The following POLR3B variants were observed in gnomAD, a reference collection of about 807,000 sequenced individuals.
POLR3B encodes the protein DNA-directed RNA polymerase III subunit RPC2.
A neutral mutation model predicts 147.4 loss-of-function variants in POLR3B; 96 were observed. The observed-to-expected ratio is 0.65, with a 90% CI of 0.55 to 0.77. POLR3B has a LOEUF of 0.77. POLR3B is among the 30% of genes least tolerant of loss of function. POLR3B has a pLI of 0.00. For missense variants in POLR3B, 1,036 were observed against 1,413.5 expected (o/e 0.73, Z 4.28); for synonymous variants, 461 against 485.9 (o/e 0.95, Z 0.67).
intron 10 of POLR3B, among the ~76,000 whole-genome samples, chr12:106,403,930 G>T (rs1199876597): frequency 1.3e-5 from 2 of 151,774 alleles, no homozygotes; most frequent in Non-Finnish European, 2.9e-5. Flanking sequence ...CCTGCACATT[G>T]TGCACATGTA....
intron 10 of POLR3B, among the ~76,000 whole-genome samples, chr12:106,403,199 AC>A: frequency 6.6e-6 from 1 of 152,058 alleles, no homozygotes; most frequent in Non-Finnish European, 1.5e-5. Context: ...GCCAAAAGAC[AC>A]ATGAAAAAAT....
At chr12:106,417,289 T>C (rs953703404) in intron 12 of POLR3B, among the ~76,000 whole-genome samples, 2 of 152,162 alleles carry the variant, frequency 1.3e-5, no homozygotes, top group Non-Finnish European at 2.9e-5. Context: ...ATTTAGGGAC[T>C]GGAGGAACTG....
At chr12:106,502,772 G>A (rs971172373) in intron 26 of POLR3B, among the ~76,000 whole-genome samples, 1 of 152,190 alleles carries the variant, frequency 6.6e-6, no homozygotes, top group Non-Finnish European at 1.5e-5. Context: ...AATCACCTCA[G>A]CAATGGTACC....
chr12:106,476,774 T>G (rs1453989255), intron 23 of POLR3B, among the ~76,000 whole-genome samples: 1 of 152,032 alleles, frequency 6.6e-6, no homozygotes, highest in East Asian at 1.9e-4. Flanking sequence ...TCTTCTAAAT[T>G]TTTTTCAAAG....
chr12:106,425,671 A>C (rs933325058), intron 12 of POLR3B, among the ~76,000 whole-genome samples: 3 of 152,170 alleles, frequency 2.0e-5, no homozygotes, highest in African/African-American at 7.2e-5. Context: ...CTCCACAGAA[A>C]GGAACTTGTG....
Position 106,509,515 on chromosome 12 carries a change from TC to T in POLR3B, c.3372del (p.Arg1125GlyfsTer2). The T allele has an allele frequency of 6.2e-7, 1 of 1,613,004 alleles. No individual in the cohort carries two copies. Among genetic ancestry groups the T allele is most frequent in the Non-Finnish European group, 8.5e-7 (1 of 1,179,110 alleles). On this transcript the variant is annotated frameshift_variant, in exon 28 of 28. Coordinates refer to ENST00000228347, the MANE Select transcript of POLR3B (RefSeq NM_018082.6). LOFTEE classifies it high-confidence loss of function. ...CAGGAACTACAGTCTATGAACATCA[TC>T]CCCAGGTTAAAACTGTCCAAGTACA... ...LFQELQSMNIIPRLKLSKYNE is the reference protein window; with the variant it reads ...LFQELQSMNIXPRLKLSKYNE
At chr12:106,414,870 A>G (rs1486287395) in intron 12 of POLR3B, among the ~76,000 whole-genome samples, 1 of 152,204 alleles carries the variant, frequency 6.6e-6, no homozygotes, top group Non-Finnish European at 1.5e-5. Flanking sequence ...GTAATGAATC[A>G]ATTAATTACA....
chr12:106,389,697 G>A (rs1848398738), intron 9 of POLR3B, among the ~76,000 whole-genome samples: 1 of 151,974 alleles, frequency 6.6e-6, no homozygotes, highest in Non-Finnish European at 1.5e-5. Context: ...GCTCTAATGA[G>A]TATTTCCTCT....
chr12:106,444,710 T>TG, intron 19 of POLR3B, 120 bp downstream of exon 19: 1 of 1,048,986 alleles, frequency 9.5e-7, no homozygotes, highest in South Asian at 1.4e-5. Context: ...TGGGAACACC[T>TG]GAGGGTTACC....
At chr12:106,367,539 T>A (rs2036551488) in intron 4 of POLR3B, among the ~76,000 whole-genome samples, 1 of 152,236 alleles carries the variant, frequency 6.6e-6, no homozygotes, top group African/African-American at 2.4e-5. Context: ...ACATTGACAC[T>A]TTTGAACAAT....
At chr12:106,386,098 C>T (rs1170616494) in intron 9 of POLR3B, among the ~76,000 whole-genome samples, 2 of 152,302 alleles carry the variant, frequency 1.3e-5, no homozygotes, top group African/African-American at 2.4e-5. Flanking sequence ...ATAATCCCAT[C>T]GCTTTGGGAG....
chr12:106,459,498 T>C (rs2037908341), intron 22 of POLR3B, 130 bp downstream of exon 22: 1 of 711,036 alleles, frequency 1.4e-6, no homozygotes, highest in Admixed American at 1.9e-5. Context: ...TTACTTGTCA[T>C]GGAAAAAGCA....
chr12:106,359,330 TA>T (rs1199374291), intron 1 of POLR3B, among the ~76,000 whole-genome samples: 6 of 93,142 alleles, frequency 6.4e-5, no homozygotes, highest in South Asian at 4.1e-4. Context: ...CAGGCAAAAC[TA>T]TTTTTTTTTT....
intron 20 of POLR3B, among the ~76,000 whole-genome samples, chr12:106,456,840 C>A (rs2037871508): frequency 6.6e-6 from 1 of 152,128 alleles, no homozygotes; most frequent in Non-Finnish European, 1.5e-5. Flanking sequence ...AATCACAGCG[C>A]CAGTCTTAGA....
intron 2 of POLR3B, among the ~76,000 whole-genome samples, chr12:106,364,740 G>T (rs2036509700): frequency 6.6e-6 from 1 of 152,260 alleles, no homozygotes; most frequent in South Asian, 2.1e-4. Flanking sequence ...AAAATGGGAT[G>T]TATCTGTGCA....
intron 26 of POLR3B, among the ~76,000 whole-genome samples, chr12:106,503,687 C>T (rs950368926): frequency 1.3e-5 from 2 of 152,206 alleles, no homozygotes; most frequent in African/African-American, 2.4e-5. Flanking sequence ...TAATAGAATA[C>T]TGAGACTCTT....
intron 5 of POLR3B, 101 bp downstream of exon 5, chr12:106,369,451 G>T (rs1189512793): frequency 2.1e-6 from 2 of 951,542 alleles, no homozygotes; most frequent in South Asian, 2.6e-5. Flanking sequence ...GATGGGGGGG[G>T]ACATTCTTTG....
At chr12:106,423,463 C>T (rs2037397118) in intron 12 of POLR3B, among the ~76,000 whole-genome samples, 1 of 152,100 alleles carries the variant, frequency 6.6e-6, no homozygotes, top group Non-Finnish European at 1.5e-5. Context: ...AGCTGGAGAA[C>T]CAGAGAAGCT....
chr12:106,399,851 C>T (rs1013362733), intron 10 of POLR3B, among the ~76,000 whole-genome samples: 9 of 152,080 alleles, frequency 5.9e-5, no homozygotes, highest in South Asian at 2.1e-4. Context: ...AAGGAACAAC[C>T]GGTAACTGGT....
Sources: gnomAD v4.1 joint callset for allele counts (sites outside exome capture counted in the v4.1 genomes callset) on GRCh38, gnomAD v4.1.1 for gene constraint, MANE v1.5 for transcripts, NCBI Gene and HGNC (gene_info 2026-07-23, HGNC 2026-07-21) for gene names.